Variants in AGAP1 observed in about 807,000 individuals in gnomAD.
The protein encoded by AGAP1 is ArfGAP with GTPase domain, ankyrin repeat and PH domain 1.
A neutral mutation model predicts 105.3 loss-of-function variants in AGAP1; 29 were observed. The observed-to-expected ratio is 0.28, with a 90% confidence interval of 0.21 to 0.38. The LOEUF is 0.38. AGAP1 is among the 10% of genes least tolerant of loss of function. The pLI, the probability that AGAP1 is intolerant of heterozygous loss-of-function variation, is 1.00. For synonymous variants in AGAP1, 509 were observed against 485.9 expected (o/e 1.05, Z -0.63); for missense variants, 998 against 1,165.1 (o/e 0.86, Z 2.09).
chr2:235,884,382 G>T (rs1441388255), intron 10 of AGAP1, among the ~76,000 whole-genome samples: 1 of 150,980 alleles, frequency 6.6e-6, no homozygotes, highest in Non-Finnish European at 1.5e-5. Context: ...TAAATTCTCT[G>T]TAAATAGTTG....
In AGAP1 at chr2:235,845,601, GAC is replaced by G. The variant is rs1463962212; in HGVS notation, c.1051-37743_1051-37742del. On this transcript the variant is annotated intron_variant, in intron 9 of 17. Transcript: ENST00000304032. The surrounding 1 kb of genome is among the most constrained non-coding windows in gnomAD (Gnocchi z 4.8). ...CTTTCCTTCCAGTTATTCCTTTCCT[GAC>G]CCCCCCCCCGATCTGCTTTTTAATT... 2.5e-3 allele frequency among the ~76,000 whole-genome samples: 5 copies of G among 2,026 alleles called. No individual in the cohort carries two copies. Among genetic ancestry groups the G allele is most frequent in the Admixed American group, 0.021 (5 of 234 alleles). 1.3% of individuals were successfully genotyped at this position (2,026 alleles called of 152,430 possible). A position where few individuals can be genotyped will look rare whatever the true frequency, so the allele number is the denominator to read the frequency against.
At position 235,692,475 on chromosome 2, in the gene AGAP1, A is replaced by T. The variant is rs1363025802; in HGVS notation, c.164-16704A>T. On this transcript the variant is annotated intron_variant, in intron 1 of 17. Coordinates refer to ENST00000304032, the MANE Select transcript of AGAP1 (RefSeq NM_001037131.3). This position sits in a 1 kb window ranked among gnomAD's most constrained non-coding sequence, Gnocchi z 5.8. ...GCCAACTCCCAAAAGCCACCAGGTG[A>T]CTTCCACTGCCGTTAGAATGAAACC... 1.3e-5 allele frequency among the ~76,000 whole-genome samples: 2 copies of T among 152,118 alleles called. No individual in the cohort carries two copies. The highest frequency in any genetic ancestry group is 2.4e-5 in the African/African-American group (1 of 41,412).
chr2:236,068,572 G>A (rs1366189666), intron 16 of AGAP1, among the ~76,000 whole-genome samples: 13 of 150,408 alleles, frequency 8.6e-5, no homozygotes, highest in East Asian at 4.0e-4. Flanking sequence ...AGGCCGAGGC[G>A]GGCGGATCAC....
chr2:235,614,138 T>A lies in AGAP1; in HGVS notation c.164-95041T>A, dbSNP rs1946231660. Among the ~76,000 whole-genome samples the A allele has an allele frequency of 6.6e-6, 1 of 152,202 alleles. No individual in the cohort carries two copies. Among genetic ancestry groups the A allele is most frequent in the Non-Finnish European group, 1.5e-5 (1 of 68,040 alleles). On this transcript the variant is annotated intron_variant, in intron 1 of 17. Coordinates refer to ENST00000304032, the MANE Select transcript of AGAP1 (RefSeq NM_001037131.3). The surrounding 1 kb of genome is among the most constrained non-coding windows in gnomAD (Gnocchi z 4.7). ...ACATCTGCGAATGTGCTAGATACCC[T>A]ACTGGTGCTGGTGAGCAGAAACAGG... is the stretch of plus-strand genomic sequence containing the variant.
chr2:235,835,044 C>A (rs927158343), intron 9 of AGAP1, among the ~76,000 whole-genome samples: 1 of 152,208 alleles, frequency 6.6e-6, no homozygotes, highest in Non-Finnish European at 1.5e-5. Context: ...GCATCCTCGC[C>A]CCTCGGCCTC....
chr2:235,498,131 C>T (rs1941401183), intron 1 of AGAP1, among the ~76,000 whole-genome samples: 1 of 152,160 alleles, frequency 6.6e-6, no homozygotes, highest in Admixed American at 6.5e-5. Flanking sequence ...ATGGACTAAA[C>T]ATATTTTAGT....
chr2:235,508,932 C>G (rs1941949878), intron 1 of AGAP1, among the ~76,000 whole-genome samples: 1 of 152,240 alleles, frequency 6.6e-6, no homozygotes, highest in Admixed American at 6.5e-5. Flanking sequence ...GAATCCAGTG[C>G]ACGGGCGGGA....
intron 1 of AGAP1, among the ~76,000 whole-genome samples, chr2:235,516,655 C>A (rs532509275): frequency 6.6e-6 from 1 of 152,132 alleles, no homozygotes; most frequent in African/African-American, 2.4e-5. Flanking sequence ...CGCCTCTGGC[C>A]CTGTGCACCC....
chr2:235,798,825 T>C (rs1957359815), intron 7 of AGAP1, among the ~76,000 whole-genome samples: 1 of 147,932 alleles, frequency 6.8e-6, no homozygotes, highest in African/African-American at 2.5e-5. Flanking sequence ...TGAGTGTGAT[T>C]GTGCCACTGC....
chr2:235,746,379 T>TTTTC (rs1952946358), intron 5 of AGAP1, among the ~76,000 whole-genome samples: 3 of 29,562 alleles, frequency 1.0e-4, no homozygotes, highest in Non-Finnish European at 2.4e-4. Context: ...TCCCCCAACT[T>TTTTC]TTTTTTTTTT....
At chr2:235,668,764 T>G (rs1486686411) in intron 1 of AGAP1, among the ~76,000 whole-genome samples, 4 of 152,222 alleles carry the variant, frequency 2.6e-5, no homozygotes, top group Non-Finnish European at 5.9e-5. Flanking sequence ...ATGGTGAATA[T>G]TTAGCATGTA....
In AGAP1 at chr2:235,659,068, G is replaced by A. The variant is rs1027450186; in HGVS notation, c.164-50111G>A. On this transcript the variant is annotated intron_variant, in intron 1 of 17. Transcript: ENST00000304032. This position sits in a 1 kb window ranked among gnomAD's most constrained non-coding sequence, Gnocchi z 5.0. ...TTGTTCCCGCCCTGCCAACTTCCAC[G>A]CCAGCCTCCTTTTGCAAGTCCACCT... Among the ~76,000 whole-genome samples the A allele has an allele frequency of 6.6e-6, 1 of 151,992 alleles. No homozygotes were observed. The highest frequency in any genetic ancestry group is 2.4e-5 in the African/African-American group (1 of 41,364).
rs1553605459 is a variant in AGAP1, at chr2:235,686,588, C to CACGT, written c.164-22591_164-22590insACGT. On this transcript the variant is annotated intron_variant, in intron 1 of 17. Transcript: ENST00000304032. ...ACACACACACACACACACACACACA[C>CACGT]GTGTGTGTGTATATATATACGTGGA... 2.2e-4 allele frequency among the ~76,000 whole-genome samples: 24 copies of CACGT among 108,516 alleles called. 1 individual carries two copies. The highest frequency in any genetic ancestry group is 3.1e-4 in the South Asian group (1 of 3,194). 71.2% of individuals were successfully genotyped at this position (108,516 alleles called of 152,430 possible).
rs933473507 is a variant in AGAP1 at position 235,700,453 on chromosome 2, G to A, written c.164-8726G>A. Among the ~76,000 whole-genome samples, 8 of 152,180 alleles carry A rather than the reference G, an allele frequency of 5.3e-5. No individual in the cohort carries two copies. The East Asian group carries it at 7.7e-4, about 15-fold the overall frequency. On this transcript the variant is annotated intron_variant, in intron 1 of 17. Coordinates refer to ENST00000304032, the MANE Select transcript of AGAP1 (RefSeq NM_001037131.3). The surrounding 1 kb of genome is among the most constrained non-coding windows in gnomAD (Gnocchi z 6.1). Reference sequence around the variant, plus strand: ...GACAAGGGCGTTCTTGGGGAACACCGTGATTCTGGAGGGGTATTATGAGGC... The same window carrying A: ...GACAAGGGCGTTCTTGGGGAACACCATGATTCTGGAGGGGTATTATGAGGC...
At position 235,720,512 on chromosome 2, in the gene AGAP1, T is replaced by G; in HGVS notation, c.310+2868T>G. 7.7e-6 allele frequency: 2 copies of G among 259,804 alleles called. No individual in the cohort carries two copies. The highest frequency in any genetic ancestry group is 1.2e-5 in the Non-Finnish European group (2 of 166,820). The allele number at this position is 259,804 out of a possible 1,614,324, so 16.1% of individuals were successfully genotyped here. On this transcript the variant is annotated intron_variant, in intron 3 of 17. Transcript: ENST00000304032. The surrounding 1 kb of genome is among the most constrained non-coding windows in gnomAD (Gnocchi z 5.0). ...CCCGGTTGAGGGATTGGATTTTGAG[T>G]GAGCTCTGTGGCCTTCCCATTTCTT...
chr2:236,069,935 C>T (rs1201073711), intron 16 of AGAP1, among the ~76,000 whole-genome samples: 3 of 152,194 alleles, frequency 2.0e-5, no homozygotes, highest in Admixed American at 6.5e-5. Context: ...ACATCAGAGC[C>T]GTAGAGGGCC....
chr2:235,677,336 A>G (rs1247201765), intron 1 of AGAP1, among the ~76,000 whole-genome samples: 4 of 152,168 alleles, frequency 2.6e-5, no homozygotes, highest in African/African-American at 9.7e-5. Flanking sequence ...CTCCTCTCTC[A>G]TTCAGTACCA....
intron 6 of AGAP1, among the ~76,000 whole-genome samples, chr2:235,762,518 C>G: frequency 6.6e-6 from 1 of 152,138 alleles, no homozygotes; most frequent in East Asian, 1.9e-4. Context: ...CCTTAGGAGT[C>G]TCCCTGATAT....
At chr2:236,032,269 A>G (rs2057246827) in intron 13 of AGAP1, among the ~76,000 whole-genome samples, 1 of 152,192 alleles carries the variant, frequency 6.6e-6, no homozygotes, top group African/African-American at 2.4e-5. Flanking sequence ...TCCATGGTTG[A>G]CCACTGCAGA....
Sources: allele counts gnomAD v4.1 joint callset (sites outside exome capture counted in the v4.1 genomes callset), GRCh38; gene constraint gnomAD v4.1.1; non-coding constraint Gnocchi (gnomAD v3.1); transcripts MANE v1.5; gene names NCBI Gene and HGNC (gene_info 2026-07-23, HGNC 2026-07-21).